The following STK33 variants were observed in gnomAD, a reference collection of about 807,000 sequenced individuals.
STK33 encodes serine/threonine-protein kinase 33.
Under a neutral mutation model 58.0 loss-of-function variants are expected in STK33, and 52 were observed. That is an observed-to-expected ratio of 0.90 (90% CI 0.72 to 1.13). The LOEUF (loss-of-function observed/expected upper bound fraction) is 1.13. Among genes scored for constraint, STK33 ranks in the 50% most tolerant of loss-of-function variants. STK33 has a pLI of 0.00. For synonymous variants in STK33, 215 were observed against 200.1 expected, an observed-to-expected ratio of 1.07 and a Z score of -0.63; for missense variants, 630 against 604.2, an observed-to-expected ratio of 1.04 and a Z score of -0.45.
chr11:8,374,218 A>G, the STK33 span, among the ~76,000 whole-genome samples: 653 of 152,278 alleles, frequency 4.3e-3, no homozygotes, highest in Non-Finnish European at 8.0e-3. Context: ...CCCAGGGTCC[A>G]CAGGGGCTCA....
the STK33 span, among the ~76,000 whole-genome samples, chr11:8,345,598 C>T: frequency 1.3e-5 from 2 of 152,208 alleles, no homozygotes; most frequent in Admixed American, 6.5e-5. Flanking sequence ...CGTGGCTCCT[C>T]CCTGGGAGTG....
chr11:8,399,424 A>G (rs569601772), intron 15 of STK33, among the ~76,000 whole-genome samples: 134 of 152,340 alleles, frequency 8.8e-4, no homozygotes, highest in African/African-American at 3.0e-3. Flanking sequence ...ACCAATGAGA[A>G]CAAAGACACA....
the STK33 span, among the ~76,000 whole-genome samples, chr11:8,335,811 T>C: frequency 6.6e-6 from 1 of 152,246 alleles, no homozygotes; most frequent in East Asian, 1.9e-4. Context: ...TTTTACATTC[T>C]TCTATGGTGA....
the STK33 span, among the ~76,000 whole-genome samples, chr11:8,367,761 C>G: frequency 6.6e-6 from 1 of 152,168 alleles, no homozygotes; most frequent in Non-Finnish European, 1.5e-5. Flanking sequence ...TGCCCAAAGG[C>G]ACATGAGGCT....
intron 1 of STK33, among the ~76,000 whole-genome samples, chr11:8,571,595 A>C (rs1295516956): frequency 6.6e-6 from 1 of 152,184 alleles, no homozygotes; most frequent in East Asian, 1.9e-4. Context: ...ACACTTTGGG[A>C]GGCTGAGGCG....
At chr11:8,437,495 A>G (rs1334825074) in intron 12 of STK33, among the ~76,000 whole-genome samples, 3 of 152,340 alleles carry the variant, frequency 2.0e-5, no homozygotes, top group African/African-American at 7.2e-5. Context: ...CTCTGTGTCT[A>G]TTCTTCAACT....
chr11:8,441,871 T>C (rs1944789171), intron 11 of STK33, among the ~76,000 whole-genome samples: 1 of 152,184 alleles, frequency 6.6e-6, no homozygotes, highest in African/African-American at 2.4e-5. Flanking sequence ...GTGAGATAGA[T>C]ACGTAAGCAT....
downstream of STK33, among the ~76,000 whole-genome samples, chr11:8,387,533 C>T (rs1415119945): frequency 1.3e-5 from 2 of 152,164 alleles, no homozygotes; most frequent in Non-Finnish European, 1.5e-5. Flanking sequence ...AGAACTGATA[C>T]ACGTAACGTG....
At chr11:8,413,448 T>C (rs1031797851) in intron 15 of STK33, 47 bp downstream of exon 15, 1 of 1,595,770 alleles carries the variant, frequency 6.3e-7, no homozygotes, top group Non-Finnish European at 8.6e-7. Flanking sequence ...CCAGGTGTGG[T>C]GAGGGTATTT....
the STK33 span, among the ~76,000 whole-genome samples, chr11:8,368,987 C>G: frequency 6.6e-6 from 1 of 152,154 alleles, no homozygotes; most frequent in African/African-American, 2.4e-5. Flanking sequence ...CTGCGTCCAT[C>G]TGTATGGAAT....
intron 5 of STK33, among the ~76,000 whole-genome samples, chr11:8,474,175 CA>C (rs879623653): frequency 0.016 from 2,172 of 134,254 alleles, 26 homozygotes; most frequent in African/African-American, 0.047. Flanking sequence ...AACTCCAATT[CA>C]AAAAAAAAAA....
chr11:8,475,064 G>C lies in STK33; in HGVS notation c.-159C>G, dbSNP rs2289921. 243,149 of 516,450 alleles carry C rather than the reference G, an allele frequency of 0.47. 58,544 individuals are homozygous for C. The highest frequency in any genetic ancestry group is 0.5 in the Non-Finnish European group (151,378 of 301,916). 32.0% of individuals were successfully genotyped at this position (516,450 alleles called of 1,614,324 possible). On this transcript the variant is annotated splice_region_variant and 5_prime_UTR_variant, in exon 5 of 16. Transcript: ENST00000687296. ...GCACTAGACACATATTCACACGTGA[G>C]AGCTGCAGAAAGAAAAGAAATAACC... is the stretch of plus-strand genomic sequence containing the variant.
At chr11:8,414,387 G>A (rs1170807486) in intron 14 of STK33, among the ~76,000 whole-genome samples, 1 of 152,072 alleles carries the variant, frequency 6.6e-6, no homozygotes, top group Non-Finnish European at 1.5e-5. Flanking sequence ...GCTTGATTAG[G>A]TGTGTCTTAA....
At chr11:8,402,763 T>G (rs1396853609) in intron 15 of STK33, among the ~76,000 whole-genome samples, 1 of 152,200 alleles carries the variant, frequency 6.6e-6, no homozygotes, top group African/African-American at 2.4e-5. Context: ...GCCTCTTAGT[T>G]CCTGGAGTGG....
downstream of STK33, among the ~76,000 whole-genome samples, chr11:8,388,548 A>G (rs1405729684): frequency 5.3e-5 from 8 of 152,352 alleles, no homozygotes; most frequent in Admixed American, 4.6e-4. Flanking sequence ...TTGAATAGTA[A>G]AAACTTTTAC....
rs140083432 is a variant in STK33 at position 8,546,572 on chromosome 11, A to G, written c.-466+47511T>C. On this transcript the variant is annotated intron_variant, in intron 1 of 15. Transcript: ENST00000687296. ...TCTAACTATATTTTTGTACTCACTA[A>G]CCAACCTCTCTTCATCCCCCCCACC... Among the ~76,000 whole-genome samples, 1,253 of 151,652 alleles carry G rather than the reference A, an allele frequency of 8.3e-3. 15 individuals are homozygous for G. The highest frequency in any genetic ancestry group is 0.029 in the African/African-American group (1,192 of 41,056).
chr11:8,516,393 G>A (rs895244591), intron 1 of STK33, among the ~76,000 whole-genome samples: 4 of 152,298 alleles, frequency 2.6e-5, no homozygotes, highest in East Asian at 1.9e-4. Context: ...CTAGATGGCC[G>A]AATAGGCACA....
chr11:8,508,269 T>C (rs983800439), intron 1 of STK33, among the ~76,000 whole-genome samples: 2 of 143,524 alleles, frequency 1.4e-5, no homozygotes, highest in East Asian at 4.0e-4. Context: ...TTCTATTCTT[T>C]TTTTTTTTTT....
chr11:8,413,718 G>A, intron 14 of STK33, 26 bp from the exon 15 acceptor site: 1 of 1,602,094 alleles, frequency 6.2e-7, no homozygotes, highest in Non-Finnish European at 8.5e-7. Flanking sequence ...AATTTTTGGT[G>A]TTATAAACAA....
Sources: allele counts gnomAD v4.1 joint callset (sites outside exome capture counted in the v4.1 genomes callset), GRCh38; gene constraint gnomAD v4.1.1; transcripts MANE v1.5; gene names NCBI Gene and HGNC (gene_info 2026-07-23, HGNC 2026-07-21).